The following DIAPH3 variants were observed in gnomAD, a reference collection of about 807,000 sequenced individuals.
DIAPH3 encodes diaphanous related formin 3.
In DIAPH3, 117 loss-of-function variants were observed where a neutral mutation model predicts 144.3. That is an observed-to-expected ratio of 0.81 (90% CI 0.70 to 0.95). The LOEUF (loss-of-function observed/expected upper bound fraction) is 0.95, where lower values mean the gene tolerates loss of function less well. Ranked by LOEUF, DIAPH3 falls within the 40% of genes least tolerant of loss-of-function variation. The pLI is 0.00. For synonymous variants in DIAPH3, 519 were observed against 488.9 expected, an observed-to-expected ratio of 1.06 and a Z score of -0.81; for missense variants, 1,421 against 1,412.7, an observed-to-expected ratio of 1.01 and a Z score of -0.09.
intron 25 of DIAPH3, among the ~76,000 whole-genome samples, chr13:59,799,645 AATAGAAC>A (rs1374984373): frequency 6.6e-6 from 1 of 152,210 alleles, no homozygotes; most frequent in Non-Finnish European, 1.5e-5. Flanking sequence ...GGTCTGCATA[AATAGAAC>A]ATGTACAGTT....
intron 27 of DIAPH3, among the ~76,000 whole-genome samples, chr13:59,754,277 CCT>C (rs1200286008): frequency 1.3e-4 from 20 of 152,164 alleles, no homozygotes; most frequent in Admixed American, 3.3e-4. Context: ...TTAATTCTTG[CCT>C]CTGTCATTTA....
intron 27 of DIAPH3, among the ~76,000 whole-genome samples, chr13:59,714,294 A>G (rs1196333360): frequency 7.2e-6 from 1 of 139,182 alleles, no homozygotes; most frequent in East Asian, 2.2e-4. Flanking sequence ...CGGGAGGCGG[A>G]GCTTGCAGTG....
chr13:59,822,504 G>A (rs540830573), intron 24 of DIAPH3, among the ~76,000 whole-genome samples: 2 of 152,028 alleles, frequency 1.3e-5, no homozygotes, highest in South Asian at 2.1e-4. Flanking sequence ...GCAGTGGTGC[G>A]ATCTCGGCTC....
At chr13:59,737,971 A>T (rs549529776) in intron 27 of DIAPH3, among the ~76,000 whole-genome samples, 33 of 152,142 alleles carry the variant, frequency 2.2e-4, no homozygotes, top group Admixed American at 2.2e-3. Flanking sequence ...GTTCGAGACC[A>T]GCCTGGCCAA....
At chr13:60,153,598 T>A (rs763714828) in intron 1 of DIAPH3, 1 of 152,100 alleles carries the variant, frequency 6.6e-6, no homozygotes, top group Non-Finnish European at 1.5e-5. Flanking sequence ...TATACACATA[T>A]TTTTCCACTA....
intron 21 of DIAPH3, among the ~76,000 whole-genome samples, chr13:59,871,980 T>C (rs2044308557): frequency 6.6e-6 from 1 of 152,200 alleles, no homozygotes; most frequent in Non-Finnish European, 1.5e-5. Context: ...CTTCTCTCTT[T>C]TTCTCTTGGT....
chr13:60,075,882 C>T (rs1189210396), intron 4 of DIAPH3, among the ~76,000 whole-genome samples: 1 of 152,184 alleles, frequency 6.6e-6, no homozygotes. Context: ...AAGTGTTGAC[C>T]GTATCTTCCA....
intron 27 of DIAPH3, among the ~76,000 whole-genome samples, chr13:59,671,988 T>C (rs535619650): frequency 1.3e-5 from 2 of 152,356 alleles, no homozygotes; most frequent in Admixed American, 1.3e-4. Flanking sequence ...CCTGTGCTAA[T>C]ATTTCCACTG....
chr13:59,923,056 T>A (rs2047591259), intron 18 of DIAPH3, among the ~76,000 whole-genome samples: 1 of 152,108 alleles, frequency 6.6e-6, no homozygotes, highest in Non-Finnish European at 1.5e-5. Flanking sequence ...TAAACAAAGG[T>A]AATCAGTATT....
intron 27 of DIAPH3, among the ~76,000 whole-genome samples, chr13:59,678,663 G>A (rs1028488711): frequency 2.0e-5 from 3 of 152,010 alleles, no homozygotes; most frequent in Admixed American, 2.0e-4. Context: ...ACATCTGTTC[G>A]TTTAAATTCT....
At chr13:59,916,939 T>C (rs879383961) in intron 18 of DIAPH3, among the ~76,000 whole-genome samples, 2 of 152,182 alleles carry the variant, frequency 1.3e-5, no homozygotes, top group Non-Finnish European at 2.9e-5. Context: ...ACTATTATAA[T>C]GATTTTTTCA....
chr13:59,901,182 T>C lies in DIAPH3; in HGVS notation c.2367+10553A>G, dbSNP rs148459813. 5.3e-5 allele frequency among the ~76,000 whole-genome samples: 8 copies of C among 152,338 alleles called. No homozygotes were observed. In the East Asian group the frequency reaches 1.3e-3, roughly 26 times the overall value. On this transcript the variant is annotated intron_variant, in intron 20 of 27. Coordinates refer to ENST00000400324, the MANE Select transcript of DIAPH3 (RefSeq NM_001042517.2). ...TAACACTTCTATGGCATCAGTCTGATCATTTCACCCCTTTGTTAATAACTC... is the reference window on the plus strand; with the variant it reads ...TAACACTTCTATGGCATCAGTCTGACCATTTCACCCCTTTGTTAATAACTC...
intron 2 of DIAPH3, among the ~76,000 whole-genome samples, chr13:60,121,266 A>C (rs577942229): frequency 6.6e-6 from 1 of 152,280 alleles, no homozygotes; most frequent in Non-Finnish European, 1.5e-5. Context: ...AACTGAAAGA[A>C]ATACTAAATT....
intron 27 of DIAPH3, among the ~76,000 whole-genome samples, chr13:59,748,896 T>A (rs1276435906): frequency 6.6e-6 from 1 of 152,160 alleles, no homozygotes; most frequent in African/African-American, 2.4e-5. Context: ...AGCTCTTTCA[T>A]CATGCTGAGC....
rs531019542 is a variant in DIAPH3, at chr13:60,004,650, A to G, written c.1014+3894T>C. On this transcript the variant is annotated intron_variant, in intron 9 of 27. Transcript: ENST00000400324. ...TTAAGAGCATGGAAATTTAACCTGA[A>G]CATATCAGAAAAATGAGAAAGAAAT... Among the ~76,000 whole-genome samples, 15 of 152,324 alleles carry G rather than the reference A, an allele frequency of 9.8e-5. No homozygotes were observed. The East Asian group carries it at 2.9e-3, about 29-fold the overall frequency.
At chr13:59,714,836 C>G (rs1281663358) in intron 27 of DIAPH3, among the ~76,000 whole-genome samples, 2 of 152,012 alleles carry the variant, frequency 1.3e-5, no homozygotes, top group African/African-American at 4.8e-5. Flanking sequence ...TGTGCAACTT[C>G]ATTTTCTAGT....
chr13:59,952,576 A>G (rs1323543740), intron 17 of DIAPH3, among the ~76,000 whole-genome samples: 4 of 151,988 alleles, frequency 2.6e-5, no homozygotes, highest in African/African-American at 7.2e-5. Context: ...AAACAGAAGG[A>G]AAAAAAAGGT....
At chr13:59,687,441 C>T (rs1197469026) in intron 27 of DIAPH3, among the ~76,000 whole-genome samples, 1 of 151,992 alleles carries the variant, frequency 6.6e-6, no homozygotes, top group East Asian at 1.9e-4. Flanking sequence ...TTGTCTCCAA[C>T]AAATACAGTT....
chr13:60,010,729 T>C, intron 7 of DIAPH3, 60 bp from the exon 8 acceptor site: 3 of 1,529,360 alleles, frequency 2.0e-6, no homozygotes, highest in Non-Finnish European at 1.8e-6. Flanking sequence ...AATAATACCC[T>C]GAAGGAAATG....
Sources: allele counts gnomAD v4.1 joint callset (sites outside exome capture counted in the v4.1 genomes callset), GRCh38; gene constraint gnomAD v4.1.1; transcripts MANE v1.5; gene names NCBI Gene and HGNC (gene_info 2026-07-23, HGNC 2026-07-21).